The following NOCT variants were observed in gnomAD, a reference collection of about 807,000 sequenced individuals.
NOCT encodes CCR4 carbon catabolite repression 4-like.
In NOCT, 18 loss-of-function variants were observed where a neutral mutation model predicts 35.0. The ratio of observed to expected loss-of-function variants is 0.51; its 90% CI spans 0.36 to 0.76. NOCT has a LOEUF of 0.76. Ranked by LOEUF, NOCT falls within the 30% of genes least tolerant of loss-of-function variation. The pLI is 0.01. For missense variants in NOCT, 479 were observed against 541.0 expected (o/e 0.89, Z 1.14); for synonymous variants, 235 against 226.3 (o/e 1.04, Z -0.34).
rs564396604 is a variant in NOCT, at chr4:139,045,652, G to A, written c.*178G>A. ...CTGCCTCAGCCTCCAGAGCAACTGG[G>A]ACAACAGGCGCCCGTCACCACGCCC... On this transcript the variant is annotated 3_prime_UTR_variant, in exon 3 of 3. Transcript: ENST00000280614. The A allele has an allele frequency of 1.2e-5, 6 of 486,038 alleles. No homozygotes were observed. The East Asian group carries it at 1.6e-4, about 13-fold the overall frequency. 30.1% of individuals were successfully genotyped at this position (486,038 alleles called of 1,614,324 possible). A position where few individuals can be genotyped will look rare whatever the true frequency, so the allele number is the denominator to read the frequency against.
chr4:139,042,069 A>ATTTTT (rs1394838519), intron 1 of NOCT, among the ~76,000 whole-genome samples: 1 of 98,614 alleles, frequency 1.0e-5, no homozygotes, highest in Non-Finnish European at 2.1e-5. Context: ...AGTCTTTAAG[A>ATTTTT]TCTTTTTTTT....
In NOCT at chr4:139,027,181, CTT is replaced by C. The variant is rs909897308; in HGVS notation, c.190+11020_190+11021del. Reference sequence around the variant, plus strand: ...AGGCGTGAGCCACCGCGCCCGGCCTCTTTTTTTTTTTGAGACAGGGTCTTCCT... The same window carrying C: ...AGGCGTGAGCCACCGCGCCCGGCCTCTTTTTTTTTGAGACAGGGTCTTCCT... On this transcript the variant is annotated intron_variant, in intron 1 of 2. Transcript: ENST00000280614. Among the ~76,000 whole-genome samples the C allele has an allele frequency of 1.8e-4, 17 of 93,992 alleles. 6 individuals carry two copies. Among genetic ancestry groups the C allele is most frequent in the African/African-American group, 6.0e-4 (15 of 25,038 alleles). The allele number at this position is 93,992 out of a possible 152,430, so 61.7% of individuals were successfully genotyped here.
rs1726283596 is a variant in NOCT at position 139,015,921 on chromosome 4, G to C, written c.-61G>C. ...ACAGTCGGCTCGACTCGGTGCCCTC[G>C]GCCCCAGCCGGGCTCCGCTCCTCGG... is the stretch of plus-strand genomic sequence containing the variant. On this transcript the variant is annotated 5_prime_UTR_variant, in exon 1 of 3. Transcript: ENST00000280614. 2 of 1,254,240 alleles carry C rather than the reference G, an allele frequency of 1.6e-6. No homozygotes were observed. Among genetic ancestry groups the C allele is most frequent in the Non-Finnish European group, 2.0e-6 (2 of 988,520 alleles). 77.7% of individuals were successfully genotyped at this position (1,254,240 alleles called of 1,614,324 possible).
At chr4:139,016,359 G>C (rs987293250) in intron 1 of NOCT, among the ~76,000 whole-genome samples, 188 bp downstream of exon 1, 4 of 152,126 alleles carry the variant, frequency 2.6e-5, no homozygotes, top group African/African-American at 7.2e-5. Flanking sequence ...CGACTTGCCT[G>C]GGGCTTGCAT....
intron 1 of NOCT, among the ~76,000 whole-genome samples, chr4:139,042,061 T>G (rs1234901075): frequency 6.8e-6 from 1 of 146,874 alleles, no homozygotes; most frequent in Non-Finnish European, 1.5e-5. Context: ...TACAAACTAG[T>G]CTTTAAGATC....
rs1372159480 is a variant in NOCT, at chr4:139,043,230, C to T, written c.347C>T (p.Ala116Val). ...DPKELLEECRAVLHTRPPRFQ... is the reference protein window; with the variant it reads ...DPKELLEECRVVLHTRPPRFQ... Reference sequence around the variant, plus strand: ...AAAGAGCTTCTTGAGGAATGCAGGGCCGTCCTGCACACCCGACCTCCCCGG... The same window carrying T: ...AAAGAGCTTCTTGAGGAATGCAGGGTCGTCCTGCACACCCGACCTCCCCGG... Residue 116 changes from alanine (A) to valine (V), a missense_variant, in exon 2 of 3, where the codon GCC becomes GTC. Physicochemically the swap from Ala to Val is moderately conservative, Grantham distance 64. Around this residue, in one of 2 missense-constraint regions of NOCT, gnomAD observed 265 missense variants for 257.0 expected, o/e 1.03. Transcript: ENST00000280614. 1 of 1,614,172 alleles carries T rather than the reference C, an allele frequency of 6.2e-7. No individual in the cohort carries two copies. The highest frequency in any genetic ancestry group is 2.2e-5 in the East Asian group (1 of 44,866).
chr4:139,028,045 T>C (rs1038667920), intron 1 of NOCT: 1 of 152,176 alleles, frequency 6.6e-6, no homozygotes, highest in Non-Finnish European at 1.5e-5. Flanking sequence ...ACTCACACTG[T>C]AAAAACACGT....
At chr4:139,021,257 CATCCAAA>C (rs1726407614) in intron 1 of NOCT, among the ~76,000 whole-genome samples, 1 of 152,016 alleles carries the variant, frequency 6.6e-6, no homozygotes, top group Admixed American at 6.6e-5. Flanking sequence ...CCGCCTCAGC[CATCCAAA>C]AGTGCTGAGA....
intron 1 of NOCT, among the ~76,000 whole-genome samples, chr4:139,036,887 G>A (rs576171927): frequency 6.6e-6 from 1 of 152,308 alleles, no homozygotes; most frequent in South Asian, 2.1e-4. Context: ...AGAGTAAAGT[G>A]CAAAGAAGGT....
At chr4:139,020,530 G>GA (rs369781925) in intron 1 of NOCT, among the ~76,000 whole-genome samples, 5 of 152,206 alleles carry the variant, frequency 3.3e-5, no homozygotes, top group African/African-American at 1.2e-4. Flanking sequence ...AGCATCTTAG[G>GA]AAAAGGGGTA....
intron 2 of NOCT, 136 bp downstream of exon 2, chr4:139,043,479 G>A: frequency 1.3e-6 from 1 of 788,832 alleles, no homozygotes; most frequent in Non-Finnish European, 2.1e-6. Flanking sequence ...AGCATGGAGA[G>A]CTCCTAGAAG....
intron 1 of NOCT, among the ~76,000 whole-genome samples, chr4:139,020,002 A>G (rs1345777446): frequency 2.0e-5 from 3 of 152,238 alleles, no homozygotes; most frequent in Admixed American, 1.3e-4. Context: ...TCCTTTAACT[A>G]TGTGAGTAAA....
intron 1 of NOCT, among the ~76,000 whole-genome samples, chr4:139,027,909 T>G (rs1726553839): frequency 6.6e-6 from 1 of 152,148 alleles, no homozygotes; most frequent in African/African-American, 2.4e-5. Context: ...AAAGCCTTTC[T>G]TAGCTTGCAG....
chr4:139,018,145 G>C (rs1166442183), intron 1 of NOCT, among the ~76,000 whole-genome samples: 1 of 141,814 alleles, frequency 7.1e-6, no homozygotes, highest in Non-Finnish European at 1.5e-5. Flanking sequence ...CTGCCAGAAT[G>C]AGTATATTGC....
intron 1 of NOCT, among the ~76,000 whole-genome samples, chr4:139,024,061 TTTTTTA>T (rs1177030768): frequency 8.6e-4 from 96 of 111,304 alleles, no homozygotes; most frequent in Middle Eastern, 0.01. Context: ...TTTTTTTTTT[TTTTTTA>T]AATTATTTTA....
intron 1 of NOCT, among the ~76,000 whole-genome samples, chr4:139,027,359 T>A (rs1726540665): frequency 6.6e-6 from 1 of 151,324 alleles, no homozygotes; most frequent in Admixed American, 6.6e-5. Context: ...TTTTAATATA[T>A]CTAGAGCAGA....
rs566923875 is a variant in NOCT, at chr4:139,039,452, A to T, written c.191-3622A>T. ...TTGCAATGTCTTTTTTTCAATATCTACTTTTTAAGTATTTTTTTTTAAGTT... is the reference window on the plus strand; with the variant it reads ...TTGCAATGTCTTTTTTTCAATATCTTCTTTTTAAGTATTTTTTTTTAAGTT... On this transcript the variant is annotated intron_variant, in intron 1 of 2. Transcript: ENST00000280614. Among the ~76,000 whole-genome samples, 17 of 148,648 alleles carry T rather than the reference A, an allele frequency of 1.1e-4. No homozygotes were observed. In the South Asian group the frequency reaches 3.4e-3, roughly 30 times the overall value.
At chr4:139,021,149 C>G (rs935555337) in intron 1 of NOCT, among the ~76,000 whole-genome samples, 1 of 151,758 alleles carries the variant, frequency 6.6e-6, no homozygotes, top group Non-Finnish European at 1.5e-5. Flanking sequence ...AACATTGACC[C>G]CCGAAAAAAG....
intron 1 of NOCT, among the ~76,000 whole-genome samples, chr4:139,037,980 T>C (rs1296524743): frequency 1.3e-5 from 2 of 151,074 alleles, no homozygotes. Context: ...GGTGGGTGGA[T>C]CACTTGAGGT....
Sources: gnomAD v4.1 joint callset for allele counts (sites outside exome capture counted in the v4.1 genomes callset) on GRCh38, gnomAD v4.1.1 for gene constraint, gnomAD v4.1.1 regional missense constraint, MANE v1.5 for transcripts, NCBI Gene and HGNC (gene_info 2026-07-23, HGNC 2026-07-21) for gene names.